The following PPFIA2 variants were observed in gnomAD, a reference collection of about 807,000 sequenced individuals.
PPFIA2 encodes the protein liprin-alpha-2.
A neutral mutation model predicts 175.5 loss-of-function variants in PPFIA2; 46 were observed. That is an observed-to-expected ratio of 0.26 (90% CI 0.21 to 0.34). The LOEUF (loss-of-function observed/expected upper bound fraction) is 0.34, where lower values mean the gene tolerates loss of function less well. Ranked by LOEUF, PPFIA2 falls within the 10% of genes least tolerant of loss-of-function variation. PPFIA2 has a pLI of 1.00. For missense variants in PPFIA2, 1,179 were observed against 1,506.1 expected (o/e 0.78, Z 3.60); for synonymous variants, 568 against 511.4 (o/e 1.11, Z -1.49).
intron 4 of PPFIA2, among the ~76,000 whole-genome samples, chr12:81,473,270 T>C (rs2146370667): frequency 6.6e-6 from 1 of 151,960 alleles, no homozygotes; most frequent in East Asian, 1.9e-4. Flanking sequence ...TAGCTGGGCA[T>C]GATGTGGGGG....
At chr12:81,561,068 A>G (rs1409687238) in intron 4 of PPFIA2, among the ~76,000 whole-genome samples, 2 of 152,194 alleles carry the variant, frequency 1.3e-5, no homozygotes, top group South Asian at 2.1e-4. Flanking sequence ...AATGATTTAC[A>G]TAACTCACTA....
intron 21 of PPFIA2, among the ~76,000 whole-genome samples, chr12:81,338,658 T>C (rs2057511787): frequency 6.6e-6 from 1 of 152,102 alleles, no homozygotes; most frequent in African/African-American, 2.4e-5. Context: ...AGCTTTATTC[T>C]AACTTTTTAA....
intron 4 of PPFIA2, among the ~76,000 whole-genome samples, chr12:81,669,591 C>T (rs2071028430): frequency 6.6e-6 from 1 of 151,750 alleles, no homozygotes; most frequent in Non-Finnish European, 1.5e-5. Context: ...GTTAAAGTGA[C>T]AATAAAACAA....
chr12:81,755,168 A>G (rs773632719), intron 2 of PPFIA2, among the ~76,000 whole-genome samples: 11 of 152,206 alleles, frequency 7.2e-5, no homozygotes, highest in Non-Finnish European at 1.2e-4. Context: ...GAAATAAACG[A>G]ACTGTTTTCA....
intron 7 of PPFIA2, among the ~76,000 whole-genome samples, chr12:81,420,553 T>A (rs2046061078): frequency 6.6e-6 from 1 of 151,874 alleles, no homozygotes; most frequent in Non-Finnish European, 1.5e-5. Context: ...AGTGCTTCAA[T>A]AGCAGACTTG....
chr12:81,527,671 T>C (rs981131248), intron 4 of PPFIA2, among the ~76,000 whole-genome samples: 4 of 152,152 alleles, frequency 2.6e-5, no homozygotes, highest in African/African-American at 7.2e-5. Context: ...ATATTTCTGA[T>C]GGACTGAATT....
chr12:81,670,294 G>C (rs1567801914), intron 4 of PPFIA2, among the ~76,000 whole-genome samples: 1 of 151,838 alleles, frequency 6.6e-6, no homozygotes. Flanking sequence ...CTGTGAAATA[G>C]ATTGGGCCAT....
At position 81,676,850 on chromosome 12, in the gene PPFIA2, A is replaced by G; in HGVS notation, c.250-6T>C. ...CCTGTTAGGGATTCGATATCCTGAA[A>G]AGGGGAGAGGTGTTGATTGTAAAGT... On this transcript the variant is annotated splice_region_variant and splice_polypyrimidine_tract_variant and intron_variant, in intron 3 of 32. Coordinates refer to ENST00000549396, the MANE Select transcript of PPFIA2 (RefSeq NM_003625.5). 6.3e-7 allele frequency: 1 copy of G among 1,577,022 alleles called. No individual in the cohort carries two copies.
At chr12:81,631,764 C>A (rs2153499643) in intron 4 of PPFIA2, among the ~76,000 whole-genome samples, 1 of 152,304 alleles carries the variant, frequency 6.6e-6, no homozygotes, top group African/African-American at 2.4e-5. Flanking sequence ...AAGACTGGCT[C>A]TGACCTATTG....
At chr12:81,738,525 T>C (rs369613760) in intron 3 of PPFIA2, among the ~76,000 whole-genome samples, 3 of 151,708 alleles carry the variant, frequency 2.0e-5, no homozygotes, top group African/African-American at 7.3e-5. Context: ...CACATGGAAG[T>C]ATAAGGCAGG....
intron 18 of PPFIA2, among the ~76,000 whole-genome samples, chr12:81,345,983 A>G (rs777024191): frequency 1.5e-4 from 23 of 152,114 alleles, no homozygotes; most frequent in Non-Finnish European, 2.8e-4. Flanking sequence ...TTTAAAAAAC[A>G]TTTTTAGTAG....
chr12:81,277,429 A>C lies in PPFIA2; in HGVS notation c.3213-15T>G. On this transcript the variant is annotated splice_polypyrimidine_tract_variant and intron_variant, in intron 27 of 32. Transcript: ENST00000549396. ...GTAAACTTGTTCTTTTTTTTTTATT[A>C]AAAAAAAAAAAACACAGTGAGTCTA... 2 of 534,316 alleles carry C rather than the reference A, an allele frequency of 3.7e-6. No individual in the cohort carries two copies. The highest frequency in any genetic ancestry group is 5.3e-6 in the Non-Finnish European group (2 of 376,916). The allele number at this position is 534,316 out of a possible 1,614,324, so 33.1% of individuals were successfully genotyped here. A position where few individuals can be genotyped will look rare whatever the true frequency, so the allele number is the denominator to read the frequency against.
intron 4 of PPFIA2, among the ~76,000 whole-genome samples, chr12:81,517,239 A>G (rs934548459): frequency 1.3e-5 from 2 of 152,030 alleles, no homozygotes; most frequent in African/African-American, 2.4e-5. Flanking sequence ...GGGATGATTA[A>G]ATAGACTTTA....
intron 3 of PPFIA2, among the ~76,000 whole-genome samples, chr12:81,694,629 G>T (rs529037972): frequency 6.6e-6 from 1 of 152,246 alleles, no homozygotes; most frequent in Non-Finnish European, 1.5e-5. Context: ...GCCTCTCCTA[G>T]GGAAGCTCCA....
At chr12:81,408,693 T>G (rs1282825307) in intron 7 of PPFIA2, among the ~76,000 whole-genome samples, 5 of 152,218 alleles carry the variant, frequency 3.3e-5, no homozygotes, top group Non-Finnish European at 7.4e-5. Flanking sequence ...AAACTTCAAG[T>G]TTGCTACAGT....
chr12:81,742,985 C>A (rs2082515987), intron 3 of PPFIA2, among the ~76,000 whole-genome samples: 1 of 152,102 alleles, frequency 6.6e-6, no homozygotes, highest in South Asian at 2.1e-4. Flanking sequence ...CTTCACAGAG[C>A]AGTTTAGATG....
intron 4 of PPFIA2, among the ~76,000 whole-genome samples, chr12:81,510,376 A>G (rs1245891167): frequency 6.6e-6 from 1 of 151,988 alleles, no homozygotes; most frequent in Non-Finnish European, 1.5e-5. Flanking sequence ...AGAAACTCAA[A>G]CTCGTTTTAC....
intron 7 of PPFIA2, among the ~76,000 whole-genome samples, chr12:81,438,848 T>G (rs1046881680): frequency 1.3e-5 from 2 of 152,244 alleles, no homozygotes; most frequent in Middle Eastern, 3.4e-3. Context: ...TATTTTGAAA[T>G]GTATATTAGA....
At chr12:81,713,292 C>A (rs2078191413) in intron 3 of PPFIA2, among the ~76,000 whole-genome samples, 4 of 150,754 alleles carry the variant, frequency 2.7e-5, no homozygotes, top group African/African-American at 4.8e-5. Context: ...AATTGACACA[C>A]CAAAAAATTA....
Sources: allele counts gnomAD v4.1 joint callset (sites outside exome capture counted in the v4.1 genomes callset), GRCh38; gene constraint gnomAD v4.1.1; transcripts MANE v1.5; gene names NCBI Gene and HGNC (gene_info 2026-07-23, HGNC 2026-07-21).